The following UNC5D variants were observed in gnomAD, a reference collection of about 807,000 sequenced individuals.
UNC5D encodes unc-5 netrin receptor D.
UNC5D carries 39 observed loss-of-function variants against 105.4 expected under a neutral mutation model. That is an observed-to-expected ratio of 0.37 (90% CI 0.29 to 0.48). UNC5D has a LOEUF of 0.48. Ranked by LOEUF, UNC5D falls within the 20% of genes least tolerant of loss-of-function variation. UNC5D has a pLI of 0.98. For missense variants in UNC5D, 991 were observed against 1,202.4 expected (o/e 0.82, Z 2.60); for synonymous variants, 452 against 450.4 (o/e 1.00, Z -0.04).
chr8:35,305,577 T>TTC (rs1339138456), intron 1 of UNC5D, among the ~76,000 whole-genome samples: 8 of 54,026 alleles, frequency 1.5e-4, no homozygotes, highest in East Asian at 4.9e-4. Flanking sequence ...CTTTCTTTCT[T>TTC]TTTCTTTCTT....
chr8:35,592,079 C>G (rs905151388), intron 3 of UNC5D, among the ~76,000 whole-genome samples: 11 of 152,174 alleles, frequency 7.2e-5, no homozygotes, highest in African/African-American at 2.7e-4. Flanking sequence ...CTGACTGATG[C>G]TGCCTGTCTT....
intron 1 of UNC5D, among the ~76,000 whole-genome samples, chr8:35,517,083 T>C (rs1280318633): frequency 6.6e-6 from 1 of 152,220 alleles, no homozygotes; most frequent in Non-Finnish European, 1.5e-5. Context: ...ATTGAAGACT[T>C]TGATGTTGTC....
At chr8:35,527,818 C>T (rs546537554) in intron 1 of UNC5D, among the ~76,000 whole-genome samples, 7 of 152,232 alleles carry the variant, frequency 4.6e-5, no homozygotes, top group South Asian at 2.1e-4. Context: ...AGGCGTGAGC[C>T]ACCACTCTTG....
chr8:35,738,418 T>A (rs1829583942), intron 11 of UNC5D, among the ~76,000 whole-genome samples: 1 of 152,250 alleles, frequency 6.6e-6, no homozygotes, highest in Non-Finnish European at 1.5e-5. Context: ...CTTACTTTTT[T>A]AATTACATAG....
At chr8:35,512,539 G>GTGTATATATATATA (rs1487398679) in intron 1 of UNC5D, among the ~76,000 whole-genome samples, 1 of 40,272 alleles carries the variant, frequency 2.5e-5, no homozygotes, top group African/African-American at 1.3e-4. Context: ...AGATATGTAT[G>GTGTATATATATATA]TATATATATA....
intron 3 of UNC5D, among the ~76,000 whole-genome samples, chr8:35,586,059 G>A (rs1818773462): frequency 1.3e-5 from 2 of 151,980 alleles, no homozygotes; most frequent in South Asian, 2.1e-4. Flanking sequence ...GATCACCTGA[G>A]GTCAGGAGTT....
chr8:35,391,511 C>T (rs1211514623), intron 1 of UNC5D, among the ~76,000 whole-genome samples: 1 of 152,062 alleles, frequency 6.6e-6, no homozygotes, highest in Non-Finnish European at 1.5e-5. Context: ...ATTCTGGGTC[C>T]ATGCCCCCAG....
At chr8:35,622,269 G>A (rs1335085827) in intron 4 of UNC5D, among the ~76,000 whole-genome samples, 1 of 152,160 alleles carries the variant, frequency 6.6e-6, no homozygotes, top group Admixed American at 6.5e-5. Flanking sequence ...TTGAACCTGG[G>A]AGGTGGAGGT....
At chr8:35,651,684 T>C (rs1268461598) in intron 4 of UNC5D, among the ~76,000 whole-genome samples, 1 of 152,232 alleles carries the variant, frequency 6.6e-6, no homozygotes, top group African/African-American at 2.4e-5. Context: ...TCTGTAGCAC[T>C]TTTTTAACCT....
intron 1 of UNC5D, among the ~76,000 whole-genome samples, chr8:35,364,543 T>C (rs1258253937): frequency 6.6e-6 from 1 of 152,142 alleles, no homozygotes; most frequent in Non-Finnish European, 1.5e-5. Context: ...TACAGAATAG[T>C]ATTTGGAAAC....
chr8:35,385,919 C>T (rs1699430066), intron 1 of UNC5D, among the ~76,000 whole-genome samples: 1 of 152,162 alleles, frequency 6.6e-6, no homozygotes, highest in Admixed American at 6.5e-5. Context: ...ATCCAGCTAA[C>T]AAAATTCTAT....
chr8:35,505,792 A>G (rs945439405), intron 1 of UNC5D, among the ~76,000 whole-genome samples: 3 of 152,200 alleles, frequency 2.0e-5, no homozygotes, highest in African/African-American at 7.2e-5. Flanking sequence ...AAGTCAGGAA[A>G]GTGATTTTGC....
At chr8:35,739,602 T>C (rs1030137859) in intron 11 of UNC5D, among the ~76,000 whole-genome samples, 2 of 152,196 alleles carry the variant, frequency 1.3e-5, no homozygotes, top group Non-Finnish European at 2.9e-5. Context: ...GTGAATGTTA[T>C]TAATAGATAT....
intron 1 of UNC5D, among the ~76,000 whole-genome samples, chr8:35,377,869 A>G (rs1191331267): frequency 2.0e-5 from 3 of 152,200 alleles, no homozygotes; most frequent in Non-Finnish European, 4.4e-5. Flanking sequence ...ATAAGTCATC[A>G]GTCTGTGTTC....
At chr8:35,249,507 G>A (rs965617408) in intron 1 of UNC5D, among the ~76,000 whole-genome samples, 4 of 150,584 alleles carry the variant, frequency 2.7e-5, no homozygotes, top group South Asian at 2.1e-4. Flanking sequence ...GCAGTGAACC[G>A]AGATTGCACC....
At chr8:35,671,147 T>C (rs1824773226) in intron 4 of UNC5D, among the ~76,000 whole-genome samples, 1 of 152,138 alleles carries the variant, frequency 6.6e-6, no homozygotes, top group South Asian at 2.1e-4. Context: ...CCATTGTGCT[T>C]AGTTACAATG....
intron 2 of UNC5D, among the ~76,000 whole-genome samples, chr8:35,560,157 A>G (rs977072057): frequency 6.6e-6 from 1 of 152,210 alleles, no homozygotes; most frequent in Non-Finnish European, 1.5e-5. Context: ...GGACTTTTCT[A>G]TGCTTATTAG....
In UNC5D at chr8:35,492,013, C is replaced by A. The variant is rs115488130; in HGVS notation, c.104-57279C>A. Among the ~76,000 whole-genome samples, 625 of 152,018 alleles carry A rather than the reference C, an allele frequency of 4.1e-3. 8 individuals are homozygous for A. The highest frequency in any genetic ancestry group is 0.014 in the African/African-American group (589 of 41,482). On this transcript the variant is annotated intron_variant, in intron 1 of 16. Coordinates refer to ENST00000404895, the MANE Select transcript of UNC5D (RefSeq NM_080872.4). ...TTTTGAAAGGTGGCTTTGCATGGAG[C>A]AGTTCTCCATAAGTGATAGTCTCAA...
chr8:35,587,403 C>T (rs1205389596), intron 3 of UNC5D, among the ~76,000 whole-genome samples: 1 of 152,162 alleles, frequency 6.6e-6, no homozygotes, highest in African/African-American at 2.4e-5. Context: ...TCCTAGTCAT[C>T]TTAACTGCCA....
Sources: allele counts gnomAD v4.1 joint callset (sites outside exome capture counted in the v4.1 genomes callset), GRCh38; gene constraint gnomAD v4.1.1; transcripts MANE v1.5; gene names NCBI Gene and HGNC (gene_info 2026-07-23, HGNC 2026-07-21).